The following GBP5 variants were observed in gnomAD, a reference collection of about 807,000 sequenced individuals.
The protein encoded by GBP5 is guanylate binding protein 5.
GBP5 carries 48 observed loss-of-function variants against 58.2 expected under a neutral mutation model. The ratio of observed to expected loss-of-function variants is 0.83; its 90% CI spans 0.65 to 1.05. GBP5 has a LOEUF of 1.05. Ranked by LOEUF, GBP5 falls within the 50% of genes least tolerant of loss-of-function variation. The pLI is 0.00. For missense variants in GBP5, 714 were observed against 686.8 expected, an observed-to-expected ratio of 1.04 and a Z score of -0.44; for synonymous variants, 248 against 251.8, an observed-to-expected ratio of 0.98 and a Z score of 0.14.
Position 89,264,850 on chromosome 1 carries a change from C to T in GBP5, c.985G>A (p.Ala329Thr). ...QRENSAAVQKAIAHYDQQMGQ... is the reference protein window; with the variant it reads ...QRENSAAVQKTIAHYDQQMGQ... Reference sequence around the variant, plus strand: ...ATTTGCTGGTCATAGTGGGCAATGGCCTTTTGCACTGCAGCTGAGTTCTCT... The same window carrying T: ...ATTTGCTGGTCATAGTGGGCAATGGTCTTTTGCACTGCAGCTGAGTTCTCT... The change falls in exon 8 of 12, where the codon GCC (alanine) becomes ACC (threonine). Residue 329 changes from alanine (A) to threonine (T), a missense_variant. Ala to Thr is a moderately conservative substitution (Grantham distance 58). Transcript: ENST00000370459. The T allele has an allele frequency of 6.2e-7, 1 of 1,614,192 alleles. No homozygotes were observed. Among genetic ancestry groups the T allele is most frequent in the East Asian group, 2.2e-5 (1 of 44,888 alleles).
chr1:89,266,074 T>A (rs556597114), intron 7 of GBP5, among the ~76,000 whole-genome samples: 7 of 152,364 alleles, frequency 4.6e-5, no homozygotes, highest in Non-Finnish European at 7.3e-5. Context: ...GAACAAATGC[T>A]GCCAGCCCAT....
intron 11 of GBP5, among the ~76,000 whole-genome samples, chr1:89,261,535 C>T (rs914052807): frequency 1.3e-5 from 2 of 152,214 alleles, no homozygotes; most frequent in South Asian, 4.1e-4. Context: ...CATTGATTAT[C>T]TCTTTGAAAC....
Position 89,266,535 on chromosome 1 carries a change from ACTT to A in GBP5, c.676_678del (p.Lys226del). ...ATAAAGCATTTCTTTTTTGGAAAGA[ACTT>A]CTGTATACACAGACGGGGCAAATTG... On this transcript the variant is annotated inframe_deletion, in exon 7 of 12. Transcript: ENST00000370459. 1 of 1,613,618 alleles carries A rather than the reference ACTT, an allele frequency of 6.2e-7. No homozygotes were observed.
rs1188279494 is a variant in GBP5, at chr1:89,268,822, G to A, written c.225C>T (p.Thr75=). ...GCACACACCATATCCAAATTCCCTTGGTGTGAGACTGCACCGTAGATGCAA... is the reference window on the plus strand; with the variant it reads ...GCACACACCATATCCAAATTCCCTTAGTGTGAGACTGCACCGTAGATGCAA... ...FSVASTVQSH[T]KGIWIWCVPH... Residue 75 remains threonine (T), a synonymous_variant, in exon 4 of 12, where the codon ACC becomes ACT. Transcript: ENST00000370459. 1.9e-6 allele frequency: 3 copies of A among 1,613,754 alleles called. No individual in the cohort carries two copies. The highest frequency in any genetic ancestry group is 1.7e-5 in the Admixed American group (1 of 59,990).
chr1:89,263,033 G>A, intron 9 of GBP5: 2 of 341,468 alleles, frequency 5.9e-6, no homozygotes, highest in East Asian at 1.1e-4. Flanking sequence ...TCCATGGTCA[G>A]TCAGAGCATG....
rs1649853404 is a variant in GBP5, at chr1:89,258,146, G to A, written c.*2558C>T. Among the ~76,000 whole-genome samples, 1 of 152,176 alleles carries A rather than the reference G, an allele frequency of 6.6e-6. No individual in the cohort carries two copies. Among genetic ancestry groups the A allele is most frequent in the South Asian group, 2.1e-4 (1 of 4,838 alleles). The stretch of plus-strand genomic sequence containing the variant: ...ATGAGTGGGATCCAGGGAAGCTGGT[G>A]GGGAAGAATATCTGTGGATCACTAA... On this transcript the variant is annotated 3_prime_UTR_variant, in exon 12 of 12. Coordinates refer to ENST00000370459, the MANE Select transcript of GBP5 (RefSeq NM_052942.5).
intron 11 of GBP5, 128 bp from the exon 12 acceptor site, chr1:89,260,945 GCAT>G (rs1258152568): frequency 1.6e-6 from 1 of 635,526 alleles, no homozygotes; most frequent in Non-Finnish European, 2.8e-6. Flanking sequence ...CCATTCACGT[GCAT>G]CTAACCTATT....
At chr1:89,270,381 T>G (rs1032198439) in intron 2 of GBP5, 1 of 152,230 alleles carries the variant, frequency 6.6e-6, no homozygotes, top group African/African-American at 2.4e-5. Flanking sequence ...GGTGGTTATT[T>G]ACTAAGGATG....
At position 89,258,175 on chromosome 1, in the gene GBP5, A is replaced by C. The variant is rs1187208421; in HGVS notation, c.*2529T>G. 6.6e-6 allele frequency among the ~76,000 whole-genome samples: 1 copy of C among 152,160 alleles called. No homozygotes were observed. Among genetic ancestry groups the C allele is most frequent in the Non-Finnish European group, 1.5e-5 (1 of 68,038 alleles). ...AAGAATATCTGTGGATCACTAATGA[A>C]AGCAGCATGCCTCTCTGGTTTTTGG... On this transcript the variant is annotated 3_prime_UTR_variant, in exon 12 of 12. Transcript: ENST00000370459.
rs748669491 is a variant in GBP5, at chr1:89,269,489, C to G, written c.67G>C (p.Val23Leu). 21 of 1,613,948 alleles carry G rather than the reference C, an allele frequency of 1.3e-5. No individual in the cohort carries two copies. The highest frequency in any genetic ancestry group is 1.7e-5 in the Non-Finnish European group (20 of 1,179,984). ...LIENFNEQLK[V>L]NQEALEILSA... The stretch of plus-strand genomic sequence containing the variant: ...AGGATCTCCAAAGCTTCCTGATTAA[C>G]CTTCAGCTGCTCATTAAAGTTCTCG... The change falls in exon 3 of 12, where the codon GTT becomes CTT. Residue 23 changes from valine (V) to leucine (L), a missense_variant. Coordinates refer to ENST00000370459, the MANE Select transcript of GBP5 (RefSeq NM_052942.5).
intron 2 of GBP5, chr1:89,270,413 G>A (rs1650397939): frequency 6.6e-6 from 1 of 152,218 alleles, no homozygotes; most frequent in African/African-American, 2.4e-5. Flanking sequence ...CTATCCGCTT[G>A]ACGAGTTCTT....
Position 89,260,558 on chromosome 1 carries a change from A to G in GBP5, c.*146T>C, listed in dbSNP as rs900643918. On this transcript the variant is annotated 3_prime_UTR_variant, in exon 12 of 12. Coordinates refer to ENST00000370459, the MANE Select transcript of GBP5 (RefSeq NM_052942.5). ...GATGTACATTTTACCAGATACCAGCATCATAATCTTATAACTCTATATGAA... is the reference window on the plus strand; with the variant it reads ...GATGTACATTTTACCAGATACCAGCGTCATAATCTTATAACTCTATATGAA... The G allele has an allele frequency of 4.6e-5, 27 of 587,680 alleles. No individual in the cohort carries two copies. Among genetic ancestry groups the G allele is most frequent in the Non-Finnish European group, 8.1e-5 (27 of 331,428 alleles). The allele number at this position is 587,680 out of a possible 1,614,324, so 36.4% of individuals were successfully genotyped here.
At chr1:89,261,414 T>G (rs920550018) in intron 11 of GBP5, among the ~76,000 whole-genome samples, 1 of 152,200 alleles carries the variant, frequency 6.6e-6, no homozygotes, top group African/African-American at 2.4e-5. Context: ...ATTTGTCTCA[T>G]TAGGGTGCTG....
chr1:89,264,919 C>G lies in GBP5; in HGVS notation c.916G>C (p.Asp306His). 2 of 1,614,164 alleles carry G rather than the reference C, an allele frequency of 1.2e-6. No homozygotes were observed. The highest frequency in any genetic ancestry group is 1.7e-6 in the Non-Finnish European group (2 of 1,180,008). ...ACTGCATTCTCTATGCAAGGCAGAT[C>G]CCCACTGCTGATGGCATTGACATAG... Reference protein sequence around the residue: ...LTYVNAISSGDLPCIENAVLA... With the variant: ...LTYVNAISSGHLPCIENAVLA... The change falls in exon 8 of 12, where the codon GAT (aspartate) becomes CAT (histidine). Residue 306 changes from aspartate (D) to histidine (H), a missense_variant. Coordinates refer to ENST00000370459, the MANE Select transcript of GBP5 (RefSeq NM_052942.5).
At chr1:89,263,595 G>T in intron 9 of GBP5, 141 bp downstream of exon 9, 1 of 598,280 alleles carries the variant, frequency 1.7e-6, no homozygotes, top group Non-Finnish European at 3.0e-6. Flanking sequence ...TTCCATAAAT[G>T]CTTATTCAAG....
At chr1:89,261,949 A>T in intron 11 of GBP5, 1 of 429,504 alleles carries the variant, frequency 2.3e-6, no homozygotes. Context: ...TTTAAACACA[A>T]ATATTAACTC....
chr1:89,266,405 T>G lies in GBP5; in HGVS notation c.809A>C (p.Tyr270Ser). The part of the protein sequence containing the change: ...FVQQVTEFCS[Y>S]IFSHSMTKTL... Reference sequence around the variant, plus strand: ...CTTGGTCATAGAATGGCTAAAGATGTAGGAACAGAATTCTGTCACTTGTTG... The same window carrying G: ...CTTGGTCATAGAATGGCTAAAGATGGAGGAACAGAATTCTGTCACTTGTTG... The change falls in exon 7 of 12, where the codon TAC (tyrosine) becomes TCC (serine). Residue 270 changes from tyrosine (Y) to serine (S), a missense_variant. Physicochemically the swap from Tyr to Ser is moderately radical, Grantham distance 144 (BLOSUM62 -2). Coordinates refer to ENST00000370459, the MANE Select transcript of GBP5 (RefSeq NM_052942.5). 1.2e-6 allele frequency: 2 copies of G among 1,613,758 alleles called. No individual in the cohort carries two copies. The highest frequency in any genetic ancestry group is 2.2e-5 in the East Asian group (1 of 44,868).
At chr1:89,265,458 C>A (rs1650170518) in intron 7 of GBP5, among the ~76,000 whole-genome samples, 1 of 151,502 alleles carries the variant, frequency 6.6e-6, no homozygotes, top group African/African-American at 2.4e-5. Context: ...AGTATGAGCG[C>A]TACCCTCCTC....
chr1:89,261,143 A>T (rs774058793), intron 11 of GBP5, among the ~76,000 whole-genome samples: 10 of 152,186 alleles, frequency 6.6e-5, no homozygotes, highest in Non-Finnish European at 1.5e-5. Context: ...AGACTCTCAG[A>T]TATATTTCTA....
Sources: gnomAD v4.1 joint callset for allele counts (sites outside exome capture counted in the v4.1 genomes callset) on GRCh38, gnomAD v4.1.1 for gene constraint, MANE v1.5 for transcripts, NCBI Gene and HGNC (gene_info 2026-07-23, HGNC 2026-07-21) for gene names.